Variants in EIPR1 observed in about 807,000 individuals in gnomAD.
EIPR1 encodes the protein EARP complex and GARP complex interacting protein 1.
A neutral mutation model predicts 48.1 loss-of-function variants in EIPR1; 25 were observed. The ratio of observed to expected loss-of-function variants is 0.52; its 90% CI spans 0.38 to 0.73. EIPR1 has a LOEUF of 0.73. Among genes scored for constraint, EIPR1 ranks in the 30% least tolerant of loss-of-function variants. The probability of loss-of-function intolerance (pLI) is 0.00; values close to 1 mark genes in which losing one functional copy is unlikely to be tolerated. For synonymous variants in EIPR1, 204 were observed against 201.9 expected (o/e 1.01, Z -0.09); for missense variants, 415 against 506.2 (o/e 0.82, Z 1.73).
At chr2:3,197,308 G>A (rs1664845505) in intron 5 of EIPR1, among the ~76,000 whole-genome samples, 2 of 152,214 alleles carry the variant, frequency 1.3e-5, no homozygotes, top group South Asian at 4.1e-4. Flanking sequence ...CGAACTTGAA[G>A]GAAAACAATA....
chr2:3,267,610 T>A (rs570437106), intron 3 of EIPR1, among the ~76,000 whole-genome samples: 28 of 152,234 alleles, frequency 1.8e-4, no homozygotes, highest in Non-Finnish European at 3.5e-4. Context: ...CACCGCCAAT[T>A]TGAAGGGCCA....
intron 4 of EIPR1, among the ~76,000 whole-genome samples, chr2:3,219,136 G>A (rs1173136412): frequency 6.7e-6 from 1 of 148,594 alleles, no homozygotes; most frequent in Non-Finnish European, 1.5e-5. Context: ...GTATACTCTA[G>A]AGCATTCACA....
rs186967472 is a variant in EIPR1, at chr2:3,198,278, G to A, written c.517-1261C>T. 1.5e-4 allele frequency among the ~76,000 whole-genome samples: 23 copies of A among 152,352 alleles called. 1 individual carries two copies. Among genetic ancestry groups the A allele is most frequent in the East Asian group, 1.2e-3 (6 of 5,186 alleles). ...ATTTCAGAGGTGGCCACTGGGAGGC[G>A]TGAGCTACAAGACCTGGTGTCCCCC... On this transcript the variant is annotated intron_variant, in intron 5 of 8. Coordinates refer to ENST00000382125, the MANE Select transcript of EIPR1 (RefSeq NM_003310.5).
At chr2:3,260,418 G>C (rs1451299558) in intron 3 of EIPR1, among the ~76,000 whole-genome samples, 3 of 150,082 alleles carry the variant, frequency 2.0e-5, no homozygotes, top group Non-Finnish European at 4.4e-5. Context: ...TTGAATCTGG[G>C]GGGTGGAGGT....
At chr2:3,319,379 G>T in intron 3 of EIPR1, 1 of 181,276 alleles carries the variant, frequency 5.5e-6, no homozygotes, top group Non-Finnish European at 1.2e-5. Context: ...ATCATTCCCA[G>T]AAAGCGCCGA....
intron 4 of EIPR1, among the ~76,000 whole-genome samples, chr2:3,232,373 T>G (rs1666269596): frequency 6.6e-6 from 1 of 152,220 alleles, no homozygotes; most frequent in African/African-American, 2.4e-5. Context: ...CTTCCTCTAG[T>G]CCCTGATGTA....
Position 3,336,994 on chromosome 2 carries a change from AGGAAGGGAAAG to A in EIPR1, c.259+1012_259+1022del, listed in dbSNP as rs1221057690. Among the ~76,000 whole-genome samples, 2 of 140,010 alleles carry A rather than the reference AGGAAGGGAAAG, an allele frequency of 1.4e-5. 1 individual carries two copies. The highest frequency in any genetic ancestry group is 3.1e-5 in the Non-Finnish European group (2 of 64,028). The allele number at this position is 140,010 out of a possible 152,430, so 91.9% of individuals were successfully genotyped here. ...AGGGAAAAGGGAAGGGAAAGGAAGA[AGGAAGGGAAAG>A]GGAAGGGAAAAGGGAAAAGGGAAGG... On this transcript the variant is annotated intron_variant, in intron 3 of 8. Transcript: ENST00000382125.
intron 5 of EIPR1, chr2:3,208,506 A>T: frequency 6.5e-7 from 1 of 1,535,158 alleles, no homozygotes; most frequent in South Asian, 1.2e-5. Flanking sequence ...TATGATGAGG[A>T]GGTCTGTGTC....
At chr2:3,316,869 G>A (rs116128052) in intron 3 of EIPR1, among the ~76,000 whole-genome samples, 399 of 152,364 alleles carry the variant, frequency 2.6e-3, no homozygotes, top group Non-Finnish European at 4.6e-3. Flanking sequence ...AACAGTGAGA[G>A]ACTCAAAATG....
chr2:3,267,838 A>C (rs1667537442), intron 3 of EIPR1, among the ~76,000 whole-genome samples: 1 of 152,218 alleles, frequency 6.6e-6, no homozygotes, highest in Admixed American at 6.5e-5. Context: ...ACAAAGCCTA[A>C]AATATTTACT....
intron 4 of EIPR1, among the ~76,000 whole-genome samples, chr2:3,230,230 G>A (rs758804265): frequency 3.9e-5 from 6 of 152,072 alleles, no homozygotes; most frequent in Non-Finnish European, 5.9e-5. Flanking sequence ...GCAATGCAAC[G>A]AATAACCAAA....
intron 3 of EIPR1, chr2:3,261,867 A>T (rs528073219): frequency 6.6e-6 from 1 of 152,346 alleles, no homozygotes; most frequent in East Asian, 1.9e-4. Flanking sequence ...AGCCTCTGAA[A>T]CTGCCTCCCC....
chr2:3,261,087 C>T (rs1482173683), intron 3 of EIPR1, among the ~76,000 whole-genome samples: 1 of 152,094 alleles, frequency 6.6e-6, no homozygotes, highest in African/African-American at 2.4e-5. Context: ...TTAAACCCAG[C>T]CCCAAGTAAA....
At position 3,196,911 on chromosome 2, in the gene EIPR1, G is replaced by T. The variant is rs1027561742; in HGVS notation, c.623C>A (p.Thr208Asn). The T allele has an allele frequency of 4.3e-6, 7 of 1,613,810 alleles. No homozygotes were observed. In the African/African-American group the frequency reaches 9.3e-5, roughly 22 times the overall value. The change falls in exon 6 of 9, where the codon ACC becomes AAC. Residue 208 changes from threonine (T) to asparagine (N), a missense_variant. Physicochemically the swap from Thr to Asn is moderately conservative, Grantham distance 65. Transcript: ENST00000382125. ...GCTCCGGGTGTCCCAGCCACGGAGG[G>T]TGGTGTCGTTCGCTGTGGCCACCTG... ...CTQVATANDT[T>N]LRGWDTRSMS...
chr2:3,261,897 T>C (rs1330747732), intron 3 of EIPR1: 2 of 151,906 alleles, frequency 1.3e-5, no homozygotes, highest in Non-Finnish European at 2.9e-5. Context: ...CATCAAAGAG[T>C]GGTAGAGACC....
chr2:3,213,185 C>T (rs1293810868), intron 5 of EIPR1, among the ~76,000 whole-genome samples: 2 of 152,146 alleles, frequency 1.3e-5, no homozygotes, highest in African/African-American at 2.4e-5. Context: ...GACTGTGTGC[C>T]GGCAACGCAG....
At chr2:3,349,471 C>T (rs983395831) in intron 2 of EIPR1, among the ~76,000 whole-genome samples, 2 of 152,260 alleles carry the variant, frequency 1.3e-5, no homozygotes, top group African/African-American at 4.8e-5. Flanking sequence ...TCCAAACAGA[C>T]CCAGGGCAAA....
chr2:3,309,363 CTG>C (rs1173397898), intron 3 of EIPR1, among the ~76,000 whole-genome samples: 2 of 152,134 alleles, frequency 1.3e-5, no homozygotes, highest in African/African-American at 4.8e-5. Context: ...TTCAAAAACA[CTG>C]TAACTAAATC....
chr2:3,323,844 G>T (rs1669609555), intron 3 of EIPR1, among the ~76,000 whole-genome samples: 1 of 152,214 alleles, frequency 6.6e-6, no homozygotes, highest in Non-Finnish European at 1.5e-5. Context: ...ATCTGCATAA[G>T]GAGGCAGCAC....
Sources: allele counts gnomAD v4.1 joint callset (sites outside exome capture counted in the v4.1 genomes callset), GRCh38; gene constraint gnomAD v4.1.1; transcripts MANE v1.5; gene names NCBI Gene and HGNC (gene_info 2026-07-23, HGNC 2026-07-21).